Variants in LOC128462377 observed in about 807,000 individuals in gnomAD.
At chr16:89,411,477 G>C in the LOC128462377 span, among the ~76,000 whole-genome samples, 13 of 152,260 alleles carry the variant, frequency 8.5e-5, no homozygotes, top group South Asian at 2.1e-3. Context: ...GCAGTGGTGT[G>C]ATCATAGCTC....
At chr16:89,391,000 G>A in the LOC128462377 span, among the ~76,000 whole-genome samples, 1 of 152,110 alleles carries the variant, frequency 6.6e-6, no homozygotes, top group African/African-American at 2.4e-5. Flanking sequence ...AGGCCGAGGT[G>A]GGTGGATCAC....
chr16:89,369,493 C>T, the LOC128462377 span, among the ~76,000 whole-genome samples: 3 of 152,226 alleles, frequency 2.0e-5, no homozygotes, highest in Admixed American at 1.3e-4. Context: ...AAAGCTCTGC[C>T]GTATCAGACA....
At chr16:89,367,608 G>A in the LOC128462377 span, among the ~76,000 whole-genome samples, 1 of 152,124 alleles carries the variant, frequency 6.6e-6, no homozygotes, top group Admixed American at 6.5e-5. Context: ...AGTCCACATT[G>A]CTTGGGGGCC....
At chr16:89,325,660 G>A in the LOC128462377 span, among the ~76,000 whole-genome samples, 15 of 152,366 alleles carry the variant, frequency 9.8e-5, no homozygotes, top group Non-Finnish European at 2.9e-5. Flanking sequence ...CGGGTTCTAA[G>A]TGAAGGCTGC....
chr16:89,369,010 A>C, the LOC128462377 span, among the ~76,000 whole-genome samples: 18 of 152,142 alleles, frequency 1.2e-4, no homozygotes, highest in Non-Finnish European at 2.5e-4. Context: ...GGAGTCAACC[A>C]AGATGTAAGC....
chr16:89,392,402 G>C, the LOC128462377 span: 1 of 152,176 alleles, frequency 6.6e-6, no homozygotes, highest in Non-Finnish European at 1.5e-5. Flanking sequence ...GTTTAAGTTA[G>C]ATTTTCACCC....
chr16:89,338,047 A>G, the LOC128462377 span, among the ~76,000 whole-genome samples: 1 of 152,178 alleles, frequency 6.6e-6, no homozygotes, highest in Non-Finnish European at 1.5e-5. Context: ...CTCCCTACAC[A>G]CCAGGACCAC....
chr16:89,356,796 GA>G, the LOC128462377 span, among the ~76,000 whole-genome samples: 1 of 132,510 alleles, frequency 7.5e-6, no homozygotes, highest in Non-Finnish European at 1.6e-5. Flanking sequence ...AAAAAAAAAA[GA>G]AAAAAGAAAA....
At chr16:89,367,526 C>T in the LOC128462377 span, among the ~76,000 whole-genome samples, 1 of 152,196 alleles carries the variant, frequency 6.6e-6, no homozygotes, top group African/African-American at 2.4e-5. Flanking sequence ...CCTCTTAGGC[C>T]ACGGCACACA....
chr16:89,393,295 T>G, the LOC128462377 span, among the ~76,000 whole-genome samples: 3 of 151,704 alleles, frequency 2.0e-5, no homozygotes, highest in African/African-American at 7.3e-5. Context: ...TTCCTCTTTT[T>G]TTTACTTTTT....
At chr16:89,324,952 C>G in the LOC128462377 span, 822 of 179,548 alleles carry the variant, frequency 4.6e-3, 8 homozygotes, top group African/African-American at 0.018. Context: ...TCTAGAGAAC[C>G]CTGACTCGTA....
chr16:89,388,099 G>A, the LOC128462377 span, among the ~76,000 whole-genome samples: 9 of 151,660 alleles, frequency 5.9e-5, no homozygotes, highest in African/African-American at 1.5e-4. Flanking sequence ...ATAGTTCAGA[G>A]TCCCTGTACA....
chr16:89,380,494 G>C, the LOC128462377 span, among the ~76,000 whole-genome samples: 1 of 152,308 alleles, frequency 6.6e-6, no homozygotes, highest in East Asian at 1.9e-4. Context: ...GGCTACTCCA[G>C]AGAACGACCA....
the LOC128462377 span, among the ~76,000 whole-genome samples, chr16:89,348,817 G>A: frequency 2.7e-5 from 4 of 148,844 alleles, no homozygotes; most frequent in Admixed American, 2.7e-4. Flanking sequence ...CTAAAAATTT[G>A]TTGCTTCTTT....
At chr16:89,404,698 C>G in the LOC128462377 span, among the ~76,000 whole-genome samples, 1 of 152,366 alleles carries the variant, frequency 6.6e-6, no homozygotes, top group South Asian at 2.1e-4. Context: ...GTTCAACCTT[C>G]CTACAAGCAC....
chr16:89,329,338 A>G, the LOC128462377 span, among the ~76,000 whole-genome samples: 1 of 152,214 alleles, frequency 6.6e-6, no homozygotes, highest in Non-Finnish European at 1.5e-5. Flanking sequence ...GGGGAAGGGC[A>G]CAAGGGATGC....
the LOC128462377 span, among the ~76,000 whole-genome samples, chr16:89,375,131 C>T: frequency 3.5e-3 from 537 of 152,098 alleles, 3 homozygotes; most frequent in African/African-American, 0.012. Flanking sequence ...CAACTCAGTG[C>T]GGGACATACC....
At chr16:89,361,141 G>C in the LOC128462377 span, among the ~76,000 whole-genome samples, 138,477 of 152,296 alleles carry the variant, frequency 0.91, 63,100 homozygotes, top group African/African-American at 0.98. Flanking sequence ...GGCTAGGCCC[G>C]TACTTCTTCC....
At chr16:89,381,354 A>AAG in the LOC128462377 span, among the ~76,000 whole-genome samples, 33 of 125,332 alleles carry the variant, frequency 2.6e-4, no homozygotes, top group African/African-American at 1.0e-3. Flanking sequence ...AAAAAAAAAA[A>AAG]GGGGTGAGAA....
Sources: allele counts gnomAD v4.1 joint callset (sites outside exome capture counted in the v4.1 genomes callset), GRCh38; gene constraint gnomAD v4.1.1; transcripts MANE v1.5.